ZFAT: variants seen among roughly 807,000 people sequenced by gnomAD.
ZFAT encodes zinc finger protein ZFAT.
In ZFAT, 64 loss-of-function variants were observed where a neutral mutation model predicts 117.7. The ratio of observed to expected loss-of-function variants is 0.54; its 90% CI spans 0.44 to 0.67. ZFAT has a LOEUF of 0.67. ZFAT is among the 30% of genes least tolerant of loss of function. The pLI is 0.00. For missense variants in ZFAT, 1,433 were observed against 1,584.5 expected, an observed-to-expected ratio of 0.90 and a Z score of 1.62; for synonymous variants, 679 against 615.0, an observed-to-expected ratio of 1.10 and a Z score of -1.54.
At chr8:134,676,435 G>C (rs1031115372) in intron 1 of ZFAT, among the ~76,000 whole-genome samples, 1 of 152,106 alleles carries the variant, frequency 6.6e-6, no homozygotes, top group African/African-American at 2.4e-5. Context: ...GGTGCACCCA[G>C]ATTCATAAAA....
intron 2 of ZFAT, among the ~76,000 whole-genome samples, chr8:134,649,155 CATCT>C (rs1377799169): frequency 4.7e-5 from 6 of 127,214 alleles, no homozygotes; most frequent in Non-Finnish European, 3.2e-5. Context: ...TAATGAAGAA[CATCT>C]ATCTCTCACA....
chr8:134,771,352 A>T, the ZFAT span, among the ~76,000 whole-genome samples: 1 of 152,310 alleles, frequency 6.6e-6, no homozygotes, highest in African/African-American at 2.4e-5. Context: ...CTTTAACAGC[A>T]CCCAAGTCAC....
the ZFAT span, among the ~76,000 whole-genome samples, chr8:134,761,158 T>C: frequency 6.6e-6 from 1 of 152,222 alleles, no homozygotes; most frequent in Non-Finnish European, 1.5e-5. Flanking sequence ...CAAATCATTG[T>C]ACTTTATCCT....
At chr8:134,679,281 T>C (rs543366339) in intron 1 of ZFAT, among the ~76,000 whole-genome samples, 1 of 152,322 alleles carries the variant, frequency 6.6e-6, no homozygotes, top group African/African-American at 2.4e-5. Context: ...GAGTGAAGGA[T>C]ATGAATAGAC....
the ZFAT span, among the ~76,000 whole-genome samples, chr8:134,741,696 T>C: frequency 1.6e-4 from 24 of 152,178 alleles, no homozygotes; most frequent in African/African-American, 5.5e-4. Context: ...GTCCAGACCT[T>C]CCTTCTTAGC....
intron 15 of ZFAT, among the ~76,000 whole-genome samples, chr8:134,482,554 T>G (rs1045249530): frequency 3.9e-5 from 6 of 152,202 alleles, no homozygotes; most frequent in African/African-American, 1.4e-4. Flanking sequence ...TCTAAATATT[T>G]ATTTATTTGC....
At chr8:134,779,826 C>G in the ZFAT span, among the ~76,000 whole-genome samples, 2 of 152,110 alleles carry the variant, frequency 1.3e-5, no homozygotes, top group Non-Finnish European at 2.9e-5. Context: ...TTTATATCTT[C>G]CAAGTATTTT....
At chr8:134,790,239 G>A in the ZFAT span, among the ~76,000 whole-genome samples, 1,127 of 152,304 alleles carry the variant, frequency 7.4e-3, 13 homozygotes, top group African/African-American at 0.026. Flanking sequence ...TTGGGATGAT[G>A]TCCTAGTCTA....
At chr8:134,827,297 G>C in the ZFAT span, among the ~76,000 whole-genome samples, 3 of 151,906 alleles carry the variant, frequency 2.0e-5, no homozygotes, top group Non-Finnish European at 4.4e-5. Context: ...TGCCCATCTC[G>C]GCCTCCCAAA....
chr8:134,493,314 A>C (rs1159553238), intron 15 of ZFAT, among the ~76,000 whole-genome samples: 1 of 149,660 alleles, frequency 6.7e-6, no homozygotes, highest in East Asian at 1.9e-4. Context: ...CCTGGGCCTG[A>C]GGGGAACGGG....
chr8:134,771,809 A>T, the ZFAT span, among the ~76,000 whole-genome samples: 5 of 152,356 alleles, frequency 3.3e-5, no homozygotes, highest in East Asian at 7.7e-4. Flanking sequence ...TGGCCAATTT[A>T]CAAAAGAAAG....
chr8:134,788,987 T>A, the ZFAT span, among the ~76,000 whole-genome samples: 4 of 152,164 alleles, frequency 2.6e-5, no homozygotes, highest in Non-Finnish European at 5.9e-5. Flanking sequence ...AAGCAACATG[T>A]AGTAGGGAAT....
chr8:134,663,528 G>A (rs139075435), intron 1 of ZFAT, among the ~76,000 whole-genome samples: 1,710 of 152,230 alleles, frequency 0.011, 33 homozygotes, highest in African/African-American at 0.039. Context: ...CACGAGGTCA[G>A]GAGTGTGAAA....
At chr8:134,603,471 T>C (rs1348672107) in intron 5 of ZFAT, among the ~76,000 whole-genome samples, 1 of 149,822 alleles carries the variant, frequency 6.7e-6, no homozygotes, top group East Asian at 2.0e-4. Context: ...CAACCATCTT[T>C]TCAATAGCTT....
chr8:134,533,541 G>T (rs1023568066), intron 11 of ZFAT, among the ~76,000 whole-genome samples: 1 of 152,178 alleles, frequency 6.6e-6, no homozygotes, highest in Non-Finnish European at 1.5e-5. Flanking sequence ...TTCTCAGAAC[G>T]TATCCCTGCC....
the ZFAT span, among the ~76,000 whole-genome samples, chr8:134,754,635 G>A: frequency 6.6e-6 from 1 of 152,246 alleles, no homozygotes; most frequent in South Asian, 2.1e-4. Context: ...TAAAATAGTA[G>A]GAGGCCTCTG....
intron 15 of ZFAT, among the ~76,000 whole-genome samples, chr8:134,501,576 G>A (rs1208140558): frequency 6.6e-6 from 1 of 152,174 alleles, no homozygotes; most frequent in East Asian, 1.9e-4. Flanking sequence ...GAAGATGCTA[G>A]GGTTCCATTA....
intron 1 of ZFAT, among the ~76,000 whole-genome samples, chr8:134,679,529 C>T (rs1388864965): frequency 2.6e-5 from 4 of 152,166 alleles, no homozygotes; most frequent in South Asian, 2.1e-4. Flanking sequence ...GACGGTGTGG[C>T]GATTCCTCAG....
chr8:134,811,225 G>A, the ZFAT span, among the ~76,000 whole-genome samples: 1 of 152,018 alleles, frequency 6.6e-6, no homozygotes, highest in African/African-American at 2.4e-5. Flanking sequence ...ATGAAGGAAT[G>A]ATCAGTAACA....
Sources: gnomAD v4.1 joint callset for allele counts (sites outside exome capture counted in the v4.1 genomes callset) on GRCh38, gnomAD v4.1.1 for gene constraint, MANE v1.5 for transcripts, NCBI Gene and HGNC (gene_info 2026-07-23, HGNC 2026-07-21) for gene names.